Variants in GPATCH2 observed in about 807,000 individuals in gnomAD.
The protein encoded by GPATCH2 is G patch domain-containing protein 2.
Under a neutral mutation model 58.0 loss-of-function variants are expected in GPATCH2, and 51 were observed. The ratio of observed to expected loss-of-function variants is 0.88; its 90% confidence interval spans 0.70 to 1.11. The LOEUF is 1.11. Among genes scored for constraint, GPATCH2 ranks in the 50% most tolerant of loss-of-function variants. The pLI is 0.00. For synonymous variants in GPATCH2, 222 were observed against 218.5 expected, an observed-to-expected ratio of 1.02 and a Z score of -0.14; for missense variants, 625 against 652.2, an observed-to-expected ratio of 0.96 and a Z score of 0.45.
intron 1 of GPATCH2, among the ~76,000 whole-genome samples, chr1:217,626,220 GAATA>G (rs1439818647): frequency 6.6e-6 from 1 of 152,096 alleles, no homozygotes; most frequent in Non-Finnish European, 1.5e-5. Flanking sequence ...AAATGTAAGG[GAATA>G]AATAATCATT....
chr1:217,443,640 C>T (rs1659251389), intron 9 of GPATCH2, among the ~76,000 whole-genome samples: 1 of 152,034 alleles, frequency 6.6e-6, no homozygotes, highest in African/African-American at 2.4e-5. Flanking sequence ...TCTGTAAGTT[C>T]TATTGGACAT....
chr1:217,573,973 G>A (rs1666687334), intron 5 of GPATCH2, among the ~76,000 whole-genome samples: 2 of 152,150 alleles, frequency 1.3e-5, no homozygotes, highest in Non-Finnish European at 2.9e-5. Flanking sequence ...TTATTTTGCA[G>A]AGAATGAGAA....
intron 5 of GPATCH2, among the ~76,000 whole-genome samples, chr1:217,515,182 G>T (rs1011646528): frequency 6.6e-6 from 1 of 150,542 alleles, no homozygotes; most frequent in African/African-American, 2.4e-5. Context: ...TGCAAGCTCC[G>T]CCTCCCAGGT....
At chr1:217,571,690 AC>A (rs1448327827) in intron 5 of GPATCH2, among the ~76,000 whole-genome samples, 1 of 148,424 alleles carries the variant, frequency 6.7e-6, no homozygotes, top group Non-Finnish European at 1.5e-5. Context: ...CCAGCGAAGA[AC>A]AAAAACGAAA....
chr1:217,467,764 A>C (rs1024363467), intron 8 of GPATCH2, among the ~76,000 whole-genome samples: 1 of 152,186 alleles, frequency 6.6e-6, no homozygotes, highest in Admixed American at 6.5e-5. Context: ...TAACATCCAG[A>C]CTGTGGTTTC....
Position 217,427,935 on chromosome 1 carries a change from G to A in GPATCH2, c.*3210C>T, listed in dbSNP as rs1239497634. On this transcript the variant is annotated 3_prime_UTR_variant, in exon 10 of 10. Transcript: ENST00000366935. ...ACCCCTACTGTGTTAACTTCTGTTT[G>A]ATAGCCACAGTATGAGTTATAAAAT... 1 of 152,116 alleles carries A rather than the reference G, an allele frequency of 6.6e-6. No individual in the cohort carries two copies. The highest frequency in any genetic ancestry group is 1.5e-5 in the Non-Finnish European group (1 of 68,004). 9.4% of individuals were successfully genotyped at this position (152,116 alleles called of 1,614,324 possible).
At chr1:217,499,871 A>G (rs185175110) in intron 6 of GPATCH2, among the ~76,000 whole-genome samples, 1 of 152,104 alleles carries the variant, frequency 6.6e-6, no homozygotes, top group African/African-American at 2.4e-5. Flanking sequence ...GAGAGACACC[A>G]CTGTCAACTC....
intron 5 of GPATCH2, among the ~76,000 whole-genome samples, chr1:217,586,306 G>A (rs1166031237): frequency 6.6e-6 from 1 of 152,062 alleles, no homozygotes; most frequent in Non-Finnish European, 1.5e-5. Context: ...TTGCACAGCT[G>A]TACAAAACTA....
At chr1:217,602,662 G>GC (rs1668161926) in intron 5 of GPATCH2, among the ~76,000 whole-genome samples, 1 of 152,130 alleles carries the variant, frequency 6.6e-6, no homozygotes, top group Non-Finnish European at 1.5e-5. Flanking sequence ...GCTAGAATTA[G>GC]ATCAGCAAAA....
At position 217,453,189 on chromosome 1, in the gene GPATCH2, C is replaced by T. The variant is rs535167983; in HGVS notation, c.1278-3852G>A. On this transcript the variant is annotated intron_variant, in intron 8 of 9. Coordinates refer to ENST00000366935, the MANE Select transcript of GPATCH2 (RefSeq NM_018040.5). ...TTGGAATACTACTCAAGGTGATGGT[C>T]GGCATTTTCTGTTTCTTTCTTCTGC... 8.5e-4 allele frequency among the ~76,000 whole-genome samples: 130 copies of T among 152,260 alleles called. No individual in the cohort carries two copies. The Middle Eastern group carries it at 0.01, about 12-fold the overall frequency.
At chr1:217,584,246 C>G (rs538688489) in intron 5 of GPATCH2, among the ~76,000 whole-genome samples, 1 of 149,928 alleles carries the variant, frequency 6.7e-6, no homozygotes, top group Non-Finnish European at 1.5e-5. Context: ...ACCTGTAATA[C>G]TAGTGGGAGG....
chr1:217,568,888 G>C (rs887696882), intron 5 of GPATCH2, among the ~76,000 whole-genome samples: 3 of 152,138 alleles, frequency 2.0e-5, no homozygotes, highest in Non-Finnish European at 4.4e-5. Context: ...AAAGCCAATA[G>C]TTTTTGTAAA....
At chr1:217,543,872 C>A (rs1266138843) in intron 5 of GPATCH2, among the ~76,000 whole-genome samples, 2 of 152,042 alleles carry the variant, frequency 1.3e-5, no homozygotes, top group Non-Finnish European at 2.9e-5. Context: ...TAGTTATAAC[C>A]AAAGATGAGA....
chr1:217,517,030 C>A (rs1311705268), intron 5 of GPATCH2, among the ~76,000 whole-genome samples: 1 of 152,054 alleles, frequency 6.6e-6, no homozygotes. Context: ...TAATTTATAC[C>A]ATAATACAAA....
intron 5 of GPATCH2, among the ~76,000 whole-genome samples, chr1:217,579,340 GA>G (rs1016753334): frequency 6.9e-6 from 1 of 144,764 alleles, no homozygotes; most frequent in Non-Finnish European, 1.5e-5. Context: ...CACTAATCAA[GA>G]AAAAAAAGTA....
intron 9 of GPATCH2, among the ~76,000 whole-genome samples, chr1:217,441,976 G>C (rs1659166469): frequency 6.6e-6 from 1 of 152,088 alleles, no homozygotes; most frequent in African/African-American, 2.4e-5. Flanking sequence ...ATTTGACCCA[G>C]CAATCTCATT....
chr1:217,539,509 T>G (rs372447178), intron 5 of GPATCH2, among the ~76,000 whole-genome samples: 72 of 152,316 alleles, frequency 4.7e-4, no homozygotes, highest in African/African-American at 1.5e-3. Context: ...CCACGCTCAA[T>G]AAATAAATTT....
At chr1:217,566,834 T>A (rs953728547) in intron 5 of GPATCH2, among the ~76,000 whole-genome samples, 4 of 152,204 alleles carry the variant, frequency 2.6e-5, no homozygotes, top group Non-Finnish European at 5.9e-5. Flanking sequence ...GAATATAGAC[T>A]GTTTTGCTAC....
At chr1:217,515,732 A>T (rs1026519820) in intron 5 of GPATCH2, among the ~76,000 whole-genome samples, 24 of 151,890 alleles carry the variant, frequency 1.6e-4, no homozygotes, top group African/African-American at 3.4e-4. Context: ...AAAAAATTTT[A>T]AAAAAAGGAC....
Sources: gnomAD v4.1 joint callset for allele counts (sites outside exome capture counted in the v4.1 genomes callset) on GRCh38, gnomAD v4.1.1 for gene constraint, MANE v1.5 for transcripts, NCBI Gene and HGNC (gene_info 2026-07-23, HGNC 2026-07-21) for gene names.